The following EIF2AK3 variants were observed in gnomAD, a reference collection of about 807,000 sequenced individuals.
EIF2AK3 encodes eukaryotic translation initiation factor 2 alpha kinase 3.
A neutral mutation model predicts 113.5 loss-of-function variants in EIF2AK3; 50 were observed. The ratio of observed to expected loss-of-function variants is 0.44; its 90% CI spans 0.35 to 0.56. The LOEUF (loss-of-function observed/expected upper bound fraction) is 0.56, where lower values mean the gene tolerates loss of function less well. Among genes scored for constraint, EIF2AK3 ranks in the 20% least tolerant of loss-of-function variants. The probability of loss-of-function intolerance (pLI) is 0.00; values close to 1 mark genes in which losing one functional copy is unlikely to be tolerated. For missense variants in EIF2AK3, 1,185 were observed against 1,378.0 expected (o/e 0.86, Z 2.22); for synonymous variants, 448 against 495.4 (o/e 0.90, Z 1.27).
rs988854528 is a variant in EIF2AK3 at position 88,557,052 on chromosome 2, G to A, written c.*684C>T. 1 of 152,388 alleles carries A rather than the reference G, an allele frequency of 6.6e-6. No homozygotes were observed. 9.4% of individuals were successfully genotyped at this position (152,388 alleles called of 1,614,324 possible). On this transcript the variant is annotated 3_prime_UTR_variant, in exon 17 of 17. Transcript: ENST00000303236. ...ATATATATGATCCATTTCTTACTACGGCTTTTTTCCTCCCAAAACTAGACC... is the reference window on the plus strand; with the variant it reads ...ATATATATGATCCATTTCTTACTACAGCTTTTTTCCTCCCAAAACTAGACC...
chr2:88,612,894 C>T (rs1675490180), intron 2 of EIF2AK3, among the ~76,000 whole-genome samples: 3 of 152,122 alleles, frequency 2.0e-5, no homozygotes, highest in Admixed American at 2.0e-4. Context: ...TAAAAGAAGG[C>T]CACAGGCATT....
At chr2:88,581,641 C>T (rs1674604140) in intron 10 of EIF2AK3, among the ~76,000 whole-genome samples, 1 of 152,194 alleles carries the variant, frequency 6.6e-6, no homozygotes, top group African/African-American at 2.4e-5. Context: ...TGAATAACTT[C>T]AGTAGTAGAC....
chr2:88,558,863 G>GC, intron 16 of EIF2AK3, 54 bp downstream of exon 16: 1 of 1,403,606 alleles, frequency 7.1e-7, no homozygotes, highest in Non-Finnish European at 1.0e-6. Flanking sequence ...GCTAAGGACC[G>GC]CTTACGTTCT....
intron 13 of EIF2AK3, among the ~76,000 whole-genome samples, chr2:88,572,475 T>C (rs1365933481): frequency 6.6e-6 from 1 of 152,194 alleles, no homozygotes; most frequent in African/African-American, 2.4e-5. Context: ...TGTTGAGGGA[T>C]GGGTAGGTGT....
chr2:88,600,917 A>G (rs900007378), intron 2 of EIF2AK3, among the ~76,000 whole-genome samples: 4 of 152,210 alleles, frequency 2.6e-5, no homozygotes, highest in African/African-American at 9.6e-5. Context: ...TTTGGAGTAC[A>G]TTCAACTTTA....
intron 2 of EIF2AK3, among the ~76,000 whole-genome samples, chr2:88,604,965 A>G (rs1189632455): frequency 1.3e-5 from 2 of 152,314 alleles, no homozygotes; most frequent in South Asian, 2.1e-4. Context: ...CACCTTTACT[A>G]TATCAGATAA....
intron 7 of EIF2AK3, 109 bp downstream of exon 7, chr2:88,588,652 A>T (rs1225501537): frequency 1.9e-6 from 2 of 1,066,528 alleles, no homozygotes; most frequent in Non-Finnish European, 2.7e-6. Context: ...AATAAAATAT[A>T]AAGTATATAA....
rs931792857 is a variant in EIF2AK3, at chr2:88,590,813, G to C, written c.1002+5C>G. 3.1e-6 allele frequency: 5 copies of C among 1,613,628 alleles called. No individual in the cohort carries two copies. Among genetic ancestry groups the C allele is most frequent in the Non-Finnish European group, 3.4e-6 (4 of 1,179,722 alleles). On this transcript the variant is annotated splice_donor_5th_base_variant and intron_variant, in intron 5 of 16. Transcript: ENST00000303236. The stretch of plus-strand genomic sequence containing the variant: ...GTATTTTAAATCCTCAGTGGTGTTA[G>C]GTACCTGGTACTCCCATTCCAGATG...
At position 88,576,600 on chromosome 2, in the gene EIF2AK3, C is replaced by G. The variant is rs773438842; in HGVS notation, c.1990G>C (p.Glu664Gln). The G allele has an allele frequency of 4.8e-5, 78 of 1,614,160 alleles. No individual in the cohort carries two copies. Among genetic ancestry groups the G allele is most frequent in the Non-Finnish European group, 6.4e-5 (76 of 1,180,018 alleles). ...YFNAWLEAPP[E>Q]KWQEKMDEIW... is the part of the protein sequence containing the mutation. ...TCATCCATCTTTTCTTGCCACTTCT[C>G]TGGTGGTGCTTCGAGCCAGGCATTG... Residue 664 changes from glutamate (E) to glutamine (Q), a missense_variant, in exon 12 of 17, where the codon GAG becomes CAG. Transcript: ENST00000303236.
chr2:88,561,289 TCTCA>T (rs940053605), intron 15 of EIF2AK3, among the ~76,000 whole-genome samples: 3 of 142,798 alleles, frequency 2.1e-5, no homozygotes, highest in African/African-American at 7.9e-5. Flanking sequence ...CGAGACAGAG[TCTCA>T]CTCTGTCACC....
chr2:88,611,844 C>T (rs1270633584), intron 2 of EIF2AK3, among the ~76,000 whole-genome samples: 1 of 152,124 alleles, frequency 6.6e-6, no homozygotes, highest in Admixed American at 6.5e-5. Context: ...AGGCTGGTCT[C>T]AAACTCCTGA....
chr2:88,587,902 C>A, intron 8 of EIF2AK3, 80 bp downstream of exon 8: 2 of 996,018 alleles, frequency 2.0e-6, no homozygotes, highest in Non-Finnish European at 2.9e-6. Flanking sequence ...TGTCTATACT[C>A]TAATCGACTT....
chr2:88,608,700 C>CTTTTT (rs1176748814), intron 2 of EIF2AK3, among the ~76,000 whole-genome samples: 4 of 62,004 alleles, frequency 6.5e-5, no homozygotes, highest in Admixed American at 2.5e-4. Flanking sequence ...TTTTTGATTT[C>CTTTTT]TTTTTTTTTT....
At chr2:88,575,729 G>A in intron 12 of EIF2AK3, 1 of 438,080 alleles carries the variant, frequency 2.3e-6, no homozygotes, top group South Asian at 2.2e-5. Context: ...TATGCAAAGT[G>A]AGGACAGGAT....
chr2:88,572,767 C>T (rs1438744724), intron 13 of EIF2AK3, among the ~76,000 whole-genome samples: 1 of 152,148 alleles, frequency 6.6e-6, no homozygotes, highest in African/African-American at 2.4e-5. Context: ...CCATCTAGAA[C>T]ATTCAGGCAT....
intron 4 of EIF2AK3, among the ~76,000 whole-genome samples, chr2:88,591,312 T>C (rs1674884197): frequency 6.6e-6 from 1 of 152,148 alleles, no homozygotes. Flanking sequence ...AGGGACAGAT[T>C]TTCTCTCAAA....
At chr2:88,580,786 G>A (rs1216977845) in intron 10 of EIF2AK3, among the ~76,000 whole-genome samples, 1 of 152,122 alleles carries the variant, frequency 6.6e-6, no homozygotes, top group Non-Finnish European at 1.5e-5. Context: ...GCCTCAGCTG[G>A]TTAAAGCATG....
chr2:88,592,763 CA>C (rs149027884), intron 4 of EIF2AK3, among the ~76,000 whole-genome samples: 31,353 of 104,138 alleles, frequency 0.3, 3,585 homozygotes, highest in Middle Eastern at 0.54. Flanking sequence ...AACTCGGTCT[CA>C]AAAAAAAAAA....
chr2:88,580,672 A>G (rs1043149986), intron 10 of EIF2AK3, among the ~76,000 whole-genome samples: 1 of 152,234 alleles, frequency 6.6e-6, no homozygotes. Context: ...TGAATAAATT[A>G]GATGATGTCT....
Sources: gnomAD v4.1 joint callset for allele counts (sites outside exome capture counted in the v4.1 genomes callset) on GRCh38, gnomAD v4.1.1 for gene constraint, MANE v1.5 for transcripts, NCBI Gene and HGNC (gene_info 2026-07-23, HGNC 2026-07-21) for gene names.